PRSS55: variants seen among roughly 807,000 people sequenced by gnomAD.
The protein encoded by PRSS55 is probable serine protease UNQ9391/PRO34284.
A neutral mutation model predicts 23.6 loss-of-function variants in PRSS55; 41 were observed. The ratio of observed to expected loss-of-function variants is 1.74; its 90% CI spans 1.35 to 2.26. PRSS55 has a LOEUF of 2.26. PRSS55 is among the 30% of genes most tolerant of loss of function. The pLI, the probability that PRSS55 is intolerant of heterozygous loss-of-function variation, is 0.00. For synonymous variants in PRSS55, 262 were observed against 175.5 expected, an observed-to-expected ratio of 1.49 and a Z score of -3.90; for missense variants, 669 against 439.1, an observed-to-expected ratio of 1.52 and a Z score of -4.68.
intron 1 of PRSS55, among the ~76,000 whole-genome samples, chr8:10,527,953 C>G (rs921040138): frequency 1.3e-5 from 2 of 152,192 alleles, no homozygotes; most frequent in African/African-American, 4.8e-5. Context: ...TGGCTCACGC[C>G]TGTAATCCCA....
chr8:10,553,700 A>G (rs1027793002), intron 4 of PRSS55, among the ~76,000 whole-genome samples: 1 of 152,236 alleles, frequency 6.6e-6, no homozygotes, highest in African/African-American at 2.4e-5. Context: ...TAAATTTTGA[A>G]GATCTATTGC....
intron 4 of PRSS55, among the ~76,000 whole-genome samples, chr8:10,553,262 C>A (rs1045239533): frequency 6.6e-6 from 1 of 152,176 alleles, no homozygotes; most frequent in African/African-American, 2.4e-5. Flanking sequence ...CTGCCATGAT[C>A]GTAAGTTTCC....
At chr8:10,527,932 G>T (rs1434974643) in intron 1 of PRSS55, among the ~76,000 whole-genome samples, 2 of 152,042 alleles carry the variant, frequency 1.3e-5, no homozygotes, top group East Asian at 3.9e-4. Flanking sequence ...TACCGAATAG[G>T]CCGGGCATGG....
chr8:10,548,946 C>G (rs542559805), intron 4 of PRSS55, among the ~76,000 whole-genome samples: 308 of 152,320 alleles, frequency 2.0e-3, no homozygotes, highest in Non-Finnish European at 2.6e-3. Context: ...GGGGTTGGAT[C>G]AAGCCCACTG....
chr8:10,537,100 A>G (rs1812483108), intron 4 of PRSS55, among the ~76,000 whole-genome samples: 1 of 152,230 alleles, frequency 6.6e-6, no homozygotes, highest in African/African-American at 2.4e-5. Flanking sequence ...TAGAACTACC[A>G]TATGATCCAG....
chr8:10,538,041 G>C (rs376092767), intron 4 of PRSS55, among the ~76,000 whole-genome samples: 1 of 152,150 alleles, frequency 6.6e-6, no homozygotes, highest in African/African-American at 2.4e-5. Flanking sequence ...CTGTGCTTCT[G>C]CAAGAACACA....
At chr8:10,543,033 T>C (rs1473175908), downstream of PRSS55, among the ~76,000 whole-genome samples, 2 of 152,112 alleles carry the variant, frequency 1.3e-5, no homozygotes, top group East Asian at 1.9e-4. Context: ...ATGTCACCTT[T>C]CTCAAGATCC....
Position 10,533,064 on chromosome 8 carries a change from C to G in PRSS55, c.741+16C>G. 1 of 1,613,750 alleles carries G rather than the reference C, an allele frequency of 6.2e-7. No homozygotes were observed. Among genetic ancestry groups the G allele is most frequent in the Non-Finnish European group, 8.5e-7 (1 of 1,179,786 alleles). On this transcript the variant is annotated intron_variant, in intron 4 of 4. Transcript: ENST00000328655. ...TGCCTGCAAGGTAACTAGGGGGTAC[C>G]CTCCCTCACCTTATAGGTCCTCACC...
rs767246411 is a variant in PRSS55 at position 10,525,606 on chromosome 8, G to A, written c.21G>A (p.Leu7=). ...GGGCCATGCTCCTGTTCTCAGTGTT[G>A]CTGCTCCTGTCCCTGGTCACGGGAA... The part of the protein sequence containing the change: MLLFSV[L]LLLSLVTGTQ... The change falls in exon 1 of 5, where the codon TTG becomes TTA. Residue 7 remains leucine (L), a synonymous_variant. Transcript: ENST00000328655. 83 of 1,613,994 alleles carry A rather than the reference G, an allele frequency of 5.1e-5. No homozygotes were observed. Among genetic ancestry groups the A allele is most frequent in the Non-Finnish European group, 6.7e-5 (79 of 1,180,006 alleles).
chr8:10,538,411 G>A (rs1174864946), intron 4 of PRSS55, 65 bp from the exon 5 acceptor site: 17 of 1,263,116 alleles, frequency 1.3e-5, no homozygotes, highest in Non-Finnish European at 1.8e-5. Flanking sequence ...TGAATGAGCT[G>A]TGCCCAGCCT....
intron 4 of PRSS55, among the ~76,000 whole-genome samples, chr8:10,544,421 T>C (rs929791651): frequency 6.6e-6 from 1 of 152,206 alleles, no homozygotes; most frequent in African/African-American, 2.4e-5. Flanking sequence ...TTTAAATGTG[T>C]TTCCTGTAGA....
In PRSS55 at chr8:10,525,564, G is replaced by T. The variant is rs989630432; in HGVS notation, c.-22G>T. On this transcript the variant is annotated 5_prime_UTR_variant, in exon 1 of 5. Coordinates refer to ENST00000328655, the MANE Select transcript of PRSS55 (RefSeq NM_198464.4). ...CAGCCCTGGCCTCTGTCACCCCCGG[G>T]CCCACAGCACAGCCCAGGGCCATGC... The T allele has an allele frequency of 7.5e-6, 12 of 1,605,522 alleles. No homozygotes were observed. In the South Asian group the frequency reaches 1.1e-4, roughly 15 times the overall value.
Position 10,533,064 on chromosome 8 carries a change from C to A in PRSS55, c.741+16C>A. On this transcript the variant is annotated intron_variant, in intron 4 of 4. Coordinates refer to ENST00000328655, the MANE Select transcript of PRSS55 (RefSeq NM_198464.4). ...TGCCTGCAAGGTAACTAGGGGGTAC[C>A]CTCCCTCACCTTATAGGTCCTCACC... The A allele has an allele frequency of 6.2e-7, 1 of 1,613,750 alleles. No individual in the cohort carries two copies. The highest frequency in any genetic ancestry group is 1.1e-5 in the South Asian group (1 of 91,038).
chr8:10,553,853 T>G (rs1585901240), intron 4 of PRSS55: 1 of 824,660 alleles, frequency 1.2e-6, no homozygotes, highest in East Asian at 2.7e-5. Flanking sequence ...GGAGTAACCA[T>G]TTCACAATGT....
chr8:10,529,738 G>A (rs367802018), intron 2 of PRSS55, 39 bp downstream of exon 2: 42 of 1,581,466 alleles, frequency 2.7e-5, no homozygotes, highest in Middle Eastern at 3.6e-4. Flanking sequence ...CTCTCAGGGC[G>A]CCCACCCCTG....
chr8:10,539,435 T>G (rs143728857), downstream of PRSS55, among the ~76,000 whole-genome samples: 56 of 152,376 alleles, frequency 3.7e-4, no homozygotes, highest in East Asian at 0.01. Flanking sequence ...ACGAACGATG[T>G]GCTTATGCTC....
downstream of PRSS55, among the ~76,000 whole-genome samples, chr8:10,543,449 T>TTCCTTCCA (rs1554584951): frequency 0.012 from 301 of 24,534 alleles, 14 homozygotes; most frequent in African/African-American, 0.021. Flanking sequence ...CCTTCCATCC[T>TTCCTTCCA]TCCTTCCTTC....
chr8:10,543,063 A>G (rs1812706045), downstream of PRSS55, among the ~76,000 whole-genome samples: 1 of 151,922 alleles, frequency 6.6e-6, no homozygotes, highest in African/African-American at 2.4e-5. Flanking sequence ...GGACAGGTAG[A>G]CCCTACCTCT....
At chr8:10,553,568 AT>A (rs1269466400) in intron 4 of PRSS55, among the ~76,000 whole-genome samples, 1 of 152,256 alleles carries the variant, frequency 6.6e-6, no homozygotes, top group Non-Finnish European at 1.5e-5. Context: ...ATACTGCATT[AT>A]CTCACTTACA....
Sources: allele counts gnomAD v4.1 joint callset (sites outside exome capture counted in the v4.1 genomes callset), GRCh38; gene constraint gnomAD v4.1.1; transcripts MANE v1.5; gene names NCBI Gene and HGNC (gene_info 2026-07-23, HGNC 2026-07-21).